Variants in WASHC1 observed in about 807,000 individuals in gnomAD.
WASHC1 encodes the protein CXYorf1-like protein on chromosome 9.
In WASHC1, 11 loss-of-function variants were observed where a neutral mutation model predicts 26.1. The ratio of observed to expected loss-of-function variants is 0.42; its 90% CI spans 0.27 to 0.70. WASHC1 has a LOEUF of 0.70. Among genes scored for constraint, WASHC1 ranks in the 30% least tolerant of loss-of-function variants. The pLI is 0.24. For missense variants in WASHC1, 96 were observed against 304.9 expected (o/e 0.31, Z 5.10); for synonymous variants, 37 against 126.6 (o/e 0.29, Z 4.75).
intron 8 of WASHC1, among the ~76,000 whole-genome samples, 154 bp from the exon 9 acceptor site, chr9:16,215 T>TGGG (rs1460404356): frequency 6.2e-5 from 8 of 128,248 alleles, no homozygotes; most frequent in Non-Finnish European, 1.1e-4. Flanking sequence ...GGAGACTGTG[T>TGGG]GGGGCCCGGG....
chr9:15,196 C>A, intron 9 of WASHC1, 47 bp from the exon 10 acceptor site: 1 of 443,330 alleles, frequency 2.3e-6, no homozygotes, highest in South Asian at 2.1e-5. Context: ...CAGTCACATG[C>A]GACCGGTGGC....
chr9:27,192 G>A (rs1215319493), intron 1 of WASHC1, among the ~76,000 whole-genome samples: 4 of 52,552 alleles, frequency 7.6e-5, no homozygotes, highest in Admixed American at 2.5e-4. Flanking sequence ...CCAGGAAGAA[G>A]GTGCAAAGAC....
chr9:21,882 CT>C (rs1325747906), intron 2 of WASHC1, among the ~76,000 whole-genome samples: 3 of 149,732 alleles, frequency 2.0e-5, no homozygotes, highest in African/African-American at 7.4e-5. Context: ...AAGCACCCCC[CT>C]CCCACCCCTG....
chr9:14,581 G>A (rs1234302561), exon 11 of WASHC1: 26 of 756,492 alleles, frequency 3.4e-5, no homozygotes, highest in Middle Eastern at 7.8e-4. Flanking sequence ...GAACACAGTG[G>A]CGCAGGCTGG....
intron 2 of WASHC1, among the ~76,000 whole-genome samples, chr9:21,538 G>A (rs1253783179): frequency 8.3e-5 from 11 of 133,244 alleles, no homozygotes; most frequent in South Asian, 2.7e-4. Flanking sequence ...CTTCCGTGAC[G>A]GATGCCTGAG....
exon 11 of WASHC1, chr9:14,527 G>T (rs1258727919): frequency 1.7e-6 from 1 of 585,080 alleles, no homozygotes; most frequent in African/African-American, 1.9e-5. Context: ...TTTCTGCTCA[G>T]TTCTTTATTG....
intron 4 of WASHC1, 49 bp downstream of exon 4, chr9:17,979 G>A: frequency 1.0e-5 from 1 of 96,834 alleles, no homozygotes; most frequent in Non-Finnish European, 1.7e-5. Flanking sequence ...CTCCTCCCCA[G>A]TATCCAGTCC....
In WASHC1 at chr9:15,924, T is replaced by G. The variant is rs756731574; in HGVS notation, c.1180A>C (p.Lys394Gln). ...GCCCGCTCACCTTGCTCCTGCTCCT[T>G]CTGCTGCTGCTTCTCCAGCTTTCGC... Residue 394 changes from lysine (K) to glutamine (Q), a missense_variant, in exon 9 of 11, where the codon AAG becomes CAG. Coordinates refer to ENST00000442898, the Ensembl canonical transcript of WASHC1. The G allele has an allele frequency of 4.0e-5, 56 of 1,415,080 alleles. 4 individuals are homozygous for G. The highest frequency in any genetic ancestry group is 3.4e-4 in the South Asian group (28 of 82,906). The allele number at this position is 1,415,080 out of a possible 1,614,324, so 87.7% of individuals were successfully genotyped here.
intron 2 of WASHC1, among the ~76,000 whole-genome samples, chr9:22,352 G>C (rs1162434032): frequency 1.4e-5 from 2 of 143,012 alleles, no homozygotes; most frequent in Admixed American, 6.7e-5. Flanking sequence ...ATGTCACCTT[G>C]CTACCACGAG....
At chr9:20,703 C>G (rs544173272) in intron 2 of WASHC1, among the ~76,000 whole-genome samples, 3 of 94,206 alleles carry the variant, frequency 3.2e-5, no homozygotes, top group East Asian at 3.0e-4. Flanking sequence ...AAAAATCAAG[C>G]GTATAAATAC....
At chr9:28,813 GT>G (rs1817539247) in intron 1 of WASHC1, 1 of 138,180 alleles carries the variant, frequency 7.2e-6, no homozygotes, top group Non-Finnish European at 1.5e-5. Context: ...TTTCGAGAAT[GT>G]AAACCGTGCA....
At chr9:22,354 T>G (rs1817057351) in intron 2 of WASHC1, among the ~76,000 whole-genome samples, 2 of 143,018 alleles carry the variant, frequency 1.4e-5, no homozygotes, top group South Asian at 4.3e-4. Context: ...GTCACCTTGC[T>G]ACCACGAGAG....
At chr9:17,105 G>A in exon 7 of WASHC1, 1 of 1,263,838 alleles carries the variant, frequency 7.9e-7, no homozygotes, top group South Asian at 1.5e-5. Flanking sequence ...AGGCAGGTAG[G>A]ATGGAACATG....
chr9:27,516 AAAAG>A (rs1214869477), intron 1 of WASHC1: 2 of 75,288 alleles, frequency 2.7e-5, no homozygotes, highest in Non-Finnish European at 5.5e-5. Flanking sequence ...AGGCTAGAAA[AAAAG>A]AATGTAAAAT....
chr9:22,137 T>G (rs1352716766), intron 2 of WASHC1, among the ~76,000 whole-genome samples: 176 of 140,736 alleles, frequency 1.3e-3, no homozygotes, highest in Non-Finnish European at 1.6e-3. Flanking sequence ...TCCATCTCTC[T>G]CGCAGGCTTA....
intron 9 of WASHC1, 72 bp downstream of exon 9, chr9:15,837 G>A (rs1816221455): frequency 7.4e-6 from 10 of 1,356,624 alleles, no homozygotes; most frequent in African/African-American, 4.0e-5. Flanking sequence ...AGCACCCGGT[G>A]GACTCAGGGC....
In WASHC1 at chr9:14,800, G is replaced by C. The variant is rs1183424076; in HGVS notation, c.*7C>G. The C allele has an allele frequency of 2.6e-6, 4 of 1,539,018 alleles. No homozygotes were observed. In the East Asian group the frequency reaches 9.0e-5, roughly 35 times the overall value. On this transcript the variant is annotated 3_prime_UTR_variant, in exon 11 of 11. Transcript: ENST00000442898. Reference sequence around the variant, plus strand: ...TGGGTCTGGGGGGGAAGGTGTCATGGAGCCCCCTACGATTCCCAGTCGTCC... The same window carrying C: ...TGGGTCTGGGGGGGAAGGTGTCATGCAGCCCCCTACGATTCCCAGTCGTCC...
rs767690957 is a variant in WASHC1, at chr9:14,953, G to C, written c.1265-13C>G. On this transcript the variant is annotated splice_polypyrimidine_tract_variant and intron_variant, in intron 10 of 10. Coordinates refer to ENST00000442898, the Ensembl canonical transcript of WASHC1. ...TTCCCAGAGATGCCTGGAGGGAAAA[G>C]GCTGAGTGAGGGTGGTTGGTGGGAA... The C allele has an allele frequency of 2.9e-5, 39 of 1,348,392 alleles. No individual in the cohort carries two copies. In the South Asian group the frequency reaches 4.6e-4, roughly 16 times the overall value. The allele number at this position is 1,348,392 out of a possible 1,614,324, so 83.5% of individuals were successfully genotyped here.
In WASHC1 at chr9:17,074, G is replaced by A. The variant is rs200462110; in HGVS notation, c.774C>T (p.Asn258=). 5,324 of 1,460,152 alleles carry A rather than the reference G, an allele frequency of 3.6e-3. 193 individuals are homozygous for A. The highest frequency in any genetic ancestry group is 8.6e-3 in the African/African-American group (481 of 56,022). 90.4% of individuals were successfully genotyped at this position (1,460,152 alleles called of 1,614,324 possible). A position where few individuals can be genotyped will look rare whatever the true frequency, so the allele number is the denominator to read the frequency against. Reference sequence around the variant, plus strand: ...CCAGGTCGGCACTGTACATGAGGTCGTTGGCAATGCCGGGCAGGTCAGGCA... The same window carrying A: ...CCAGGTCGGCACTGTACATGAGGTCATTGGCAATGCCGGGCAGGTCAGGCA... The change falls in exon 7 of 11, where the codon AAC becomes AAT. Residue 258 remains asparagine, a synonymous_variant. Transcript: ENST00000442898.
Sources: allele counts gnomAD v4.1 joint callset (sites outside exome capture counted in the v4.1 genomes callset), GRCh38; gene constraint gnomAD v4.1.1; transcripts MANE v1.5; gene names NCBI Gene and HGNC (gene_info 2026-07-23, HGNC 2026-07-21).